Variants in KCNG4 observed in about 807,000 individuals in gnomAD.
KCNG4 encodes the protein voltage-gated potassium channel regulatory subunit KCNG4.
In KCNG4, 30 loss-of-function variants were observed where a neutral mutation model predicts 28.2. That is an observed-to-expected ratio of 1.06 (90% CI 0.80 to 1.44). KCNG4 has a LOEUF of 1.44. KCNG4 is among the 40% of genes most tolerant of loss of function. KCNG4 has a pLI of 0.00. For synonymous variants in KCNG4, 375 were observed against 315.5 expected, an observed-to-expected ratio of 1.19 and a Z score of -2.00; for missense variants, 879 against 712.3, an observed-to-expected ratio of 1.23 and a Z score of -2.66.
At position 84,230,360 on chromosome 16, in the gene KCNG4, G is replaced by A. The variant is rs550930914; in HGVS notation, c.756+6370C>T. 4.4e-5 allele frequency among the ~76,000 whole-genome samples: 6 copies of A among 136,578 alleles called. No individual in the cohort carries two copies. The East Asian group carries it at 6.4e-4, about 14-fold the overall frequency. The allele number at this position is 136,578 out of a possible 152,430, so 89.6% of individuals were successfully genotyped here. The stretch of plus-strand genomic sequence containing the variant: ...GCAGACGTTGCAGTAAGTTGATATC[G>A]CGCCACTGCACTCCAGCCTGGGTGA... On this transcript the variant is annotated intron_variant, in intron 2 of 2. Coordinates refer to ENST00000308251, the MANE Select transcript of KCNG4 (RefSeq NM_172347.3).
At chr16:84,235,427 T>G (rs1424782824) in intron 2 of KCNG4, 4 of 152,184 alleles carry the variant, frequency 2.6e-5, no homozygotes, top group Non-Finnish European at 5.9e-5. Context: ...AAATCTCATG[T>G]TTTTATGCTG....
Position 84,236,989 on chromosome 16 carries a change from A to T in KCNG4, c.497T>A (p.Leu166Gln). 1 of 1,613,796 alleles carries T rather than the reference A, an allele frequency of 6.2e-7. No homozygotes were observed. The highest frequency in any genetic ancestry group is 1.1e-5 in the South Asian group (1 of 91,076). The stretch of plus-strand genomic sequence containing the variant: ...CTCCTCCAGCTCCTCCAGCTTCCTC[A>T]GCAGCTTCCGCAGGCAGCACCTCTC... ...HLERCCLRKL[L>Q]RKLEELEELA... Residue 166 changes from leucine to glutamine, a missense_variant, in exon 2 of 3, where the codon CTG (leucine) becomes CAG (glutamine). By Grantham distance (113) the Leu-to-Gln change is moderately radical. Coordinates refer to ENST00000308251, the MANE Select transcript of KCNG4 (RefSeq NM_172347.3).
intron 2 of KCNG4, among the ~76,000 whole-genome samples, chr16:84,224,762 C>G (rs1462440887): frequency 1.3e-5 from 2 of 152,156 alleles, no homozygotes; most frequent in Admixed American, 6.5e-5. Context: ...AGTGTTCCAG[C>G]CTCTTCTTTG....
chr16:84,222,810 G>A lies in KCNG4; in HGVS notation c.967C>T (p.Pro323Ser). The change falls in exon 3 of 3, where the codon CCG becomes TCG. Residue 323 changes from proline (P) to serine (S), a missense_variant. Coordinates refer to ENST00000308251, the MANE Select transcript of KCNG4 (RefSeq NM_172347.3). ...TTCTCCAGGTAGGAGCTCCCGCTCG[G>A]CCTCTCGCCGTCCTCCGGGGGCTCC... The part of the protein sequence containing the change: ...SEEPPEDGER[P>S]SGSSYLEKVG... 4 of 1,610,110 alleles carry A rather than the reference G, an allele frequency of 2.5e-6. No individual in the cohort carries two copies. The highest frequency in any genetic ancestry group is 1.1e-5 in the South Asian group (1 of 90,874).
Position 84,222,585 on chromosome 16 carries a change from G to T in KCNG4, c.1192C>A (p.Arg398=). ...LVYVAEKESG[R]VLEFTSIPAS... ...GGGATGCTGGTGAACTCCAGCACCC[G>T]CCCGGACTCCTTCTCGGCCACGTAG... The change falls in exon 3 of 3, where the codon CGG becomes AGG. Residue 398 remains arginine, a synonymous_variant. Transcript: ENST00000308251. 6.2e-7 allele frequency: 1 copy of T among 1,613,198 alleles called. No homozygotes were observed. Among genetic ancestry groups the T allele is most frequent in the East Asian group, 2.2e-5 (1 of 44,866 alleles).
At chr16:84,233,985 G>A (rs1904883483) in intron 2 of KCNG4, among the ~76,000 whole-genome samples, 1 of 152,120 alleles carries the variant, frequency 6.6e-6, no homozygotes, top group Non-Finnish European at 1.5e-5. Context: ...TCCCTATGCT[G>A]CCACAGGGAT....
chr16:84,235,038 T>C (rs894005894), intron 2 of KCNG4, among the ~76,000 whole-genome samples: 6 of 152,288 alleles, frequency 3.9e-5, no homozygotes, highest in Non-Finnish European at 7.3e-5. Flanking sequence ...AAATCTCTCT[T>C]GTCCCAGGAG....
chr16:84,224,439 C>CACAG (rs1567624061), intron 2 of KCNG4, among the ~76,000 whole-genome samples: 1 of 152,026 alleles, frequency 6.6e-6, no homozygotes, highest in African/African-American at 2.4e-5. Context: ...CACACACACA[C>CACAG]AGATATGTAT....
chr16:84,230,637 A>G (rs1475343247), intron 2 of KCNG4, among the ~76,000 whole-genome samples: 1 of 152,168 alleles, frequency 6.6e-6, no homozygotes, highest in Non-Finnish European at 1.5e-5. Context: ...TTAGTAAGAC[A>G]CTGAAATGTC....
At chr16:84,230,419 A>G (rs1233642695) in intron 2 of KCNG4, among the ~76,000 whole-genome samples, 47 of 149,764 alleles carry the variant, frequency 3.1e-4, no homozygotes, top group Non-Finnish European at 5.5e-4. Flanking sequence ...AAAAAAAAAA[A>G]AAAAAAGCCA....
Position 84,222,530 on chromosome 16 carries a change from A to T in KCNG4, c.1247T>A (p.Met416Lys), listed in dbSNP as rs1295448323. 6.2e-7 allele frequency: 1 copy of T among 1,613,544 alleles called. No homozygotes were observed. The highest frequency in any genetic ancestry group is 8.5e-7 in the Non-Finnish European group (1 of 1,179,900). Residue 416 changes from methionine to lysine, a missense_variant, in exon 3 of 3, where the codon ATG becomes AAG. By Grantham distance (95) the Met-to-Lys change is moderately conservative. Transcript: ENST00000308251. ...PASYWWAIIS[M>K]TTVGYGDMVP... ...CATGTCCCCGTAGCCCACCGTTGTC[A>T]TGGAGATGATGGCCCACCAATAGGA...
intron 2 of KCNG4, among the ~76,000 whole-genome samples, chr16:84,227,900 T>G (rs990934344): frequency 9.4e-5 from 14 of 149,406 alleles, no homozygotes; most frequent in Admixed American, 2.7e-4. Context: ...AGCAGAGGGG[T>G]GGGTGTCCGG....
At chr16:84,239,163 C>T (rs745922169) in intron 1 of KCNG4, among the ~76,000 whole-genome samples, 151 of 152,312 alleles carry the variant, frequency 9.9e-4, no homozygotes, top group Non-Finnish European at 1.3e-3. Context: ...ATTTCAGAGC[C>T]GGTTGGATTC....
chr16:84,231,934 G>T (rs985040702), intron 2 of KCNG4, among the ~76,000 whole-genome samples: 4 of 150,752 alleles, frequency 2.7e-5, no homozygotes, highest in African/African-American at 7.3e-5. Flanking sequence ...AACCCGGGAG[G>T]AGGAGGTTGC....
intron 1 of KCNG4, among the ~76,000 whole-genome samples, chr16:84,239,367 A>T (rs1362868987): frequency 1.3e-5 from 2 of 152,142 alleles, no homozygotes; most frequent in African/African-American, 4.8e-5. Flanking sequence ...AAAAACCAAG[A>T]CCCAGCGAGC....
At chr16:84,228,980 G>C (rs539007298) in intron 2 of KCNG4, among the ~76,000 whole-genome samples, 10 of 152,228 alleles carry the variant, frequency 6.6e-5, no homozygotes, top group Non-Finnish European at 1.5e-4. Context: ...TCTTCTAGAG[G>C]TTCCAGCAAA....
Position 84,222,071 on chromosome 16 carries a change from G to T in KCNG4, c.*146C>A. The T allele has an allele frequency of 2.3e-6, 2 of 877,270 alleles. No individual in the cohort carries two copies. The highest frequency in any genetic ancestry group is 3.6e-6 in the Non-Finnish European group (2 of 557,086). The allele number at this position is 877,270 out of a possible 1,614,324, so 54.3% of individuals were successfully genotyped here. A position where few individuals can be genotyped will look rare whatever the true frequency, so the allele number is the denominator to read the frequency against. ...GAGGGACAAGGATCACAGACACACA[G>T]CCTCTGTGGCCTTATGCCCCTCCAG... On this transcript the variant is annotated 3_prime_UTR_variant, in exon 3 of 3. Transcript: ENST00000308251.
At chr16:84,232,817 T>C (rs1303508549) in intron 2 of KCNG4, among the ~76,000 whole-genome samples, 4 of 147,670 alleles carry the variant, frequency 2.7e-5, no homozygotes, top group African/African-American at 5.1e-5. Flanking sequence ...GAGGATTGCT[T>C]GAACCTGTGA....
At position 84,221,357 on chromosome 16, in the gene KCNG4, G is replaced by A. The variant is rs1172360649; in HGVS notation, c.*860C>T. On this transcript the variant is annotated 3_prime_UTR_variant, in exon 3 of 3. Coordinates refer to ENST00000308251, the MANE Select transcript of KCNG4 (RefSeq NM_172347.3). ...CAGCAGCAGGAACGATCCTCTCAAG[G>A]GACAACATGGACCCTGAAAGAGTTT... 6.6e-6 allele frequency: 1 copy of A among 152,210 alleles called. No homozygotes were observed. Among genetic ancestry groups the A allele is most frequent in the Admixed American group, 6.5e-5 (1 of 15,270 alleles). The allele number at this position is 152,210 out of a possible 1,614,324, so 9.4% of individuals were successfully genotyped here. A position where few individuals can be genotyped will look rare whatever the true frequency, so the allele number is the denominator to read the frequency against.
Sources: allele counts gnomAD v4.1 joint callset (sites outside exome capture counted in the v4.1 genomes callset), GRCh38; gene constraint gnomAD v4.1.1; transcripts MANE v1.5; gene names NCBI Gene and HGNC (gene_info 2026-07-23, HGNC 2026-07-21).